The following SUMF1 variants were observed in gnomAD, a reference collection of about 807,000 sequenced individuals.
SUMF1 encodes formylglycine-generating enzyme.
A neutral mutation model predicts 47.6 loss-of-function variants in SUMF1; 48 were observed. That is an observed-to-expected ratio of 1.01 (90% CI 0.80 to 1.28). SUMF1 has a LOEUF of 1.28. Ranked by LOEUF, SUMF1 falls within the 50% of genes most tolerant of loss-of-function variation. SUMF1 has a pLI of 0.00. For synonymous variants in SUMF1, 230 were observed against 192.1 expected (o/e 1.20, Z -1.63); for missense variants, 571 against 485.4 (o/e 1.18, Z -1.66).
At chr3:4,428,229 C>G (rs191834206) in intron 3 of SUMF1, among the ~76,000 whole-genome samples, 160 of 152,076 alleles carry the variant, frequency 1.1e-3, no homozygotes, top group Non-Finnish European at 1.9e-3. Context: ...AAAAATACAT[C>G]AATATATAGA....
rs1006154778 is a variant in SUMF1 at position 4,135,498 on chromosome 3, C to G, written c.1015-66753G>C. 1.3e-5 allele frequency among the ~76,000 whole-genome samples: 2 copies of G among 152,024 alleles called. 1 individual carries two copies. The highest frequency in any genetic ancestry group is 4.8e-5 in the African/African-American group (2 of 41,398). The stretch of plus-strand genomic sequence containing the variant: ...TCAAAATAATAACAGCTATCTATGA[C>G]AAACCCATAGCCAATATCATACTGA... On this transcript the variant is annotated intron_variant and NMD_transcript_variant, in intron 8 of 12. Transcript: ENST00000448413.
chr3:4,269,244 C>T (rs1330319220), intron 8 of SUMF1, among the ~76,000 whole-genome samples: 1 of 152,118 alleles, frequency 6.6e-6, no homozygotes, highest in African/African-American at 2.4e-5. Flanking sequence ...CATATGTATA[C>T]ATGTGCCATG....
At chr3:4,456,610 C>T (rs1480817591) in intron 1 of SUMF1, among the ~76,000 whole-genome samples, 1 of 132,924 alleles carries the variant, frequency 7.5e-6, no homozygotes, top group African/African-American at 2.7e-5. Flanking sequence ...CGCCACCACA[C>T]CAGGCTAATA....
intron 8 of SUMF1, among the ~76,000 whole-genome samples, chr3:4,196,802 C>G (rs771587331): frequency 6.6e-6 from 1 of 152,098 alleles, no homozygotes; most frequent in Non-Finnish European, 1.5e-5. Flanking sequence ...GGGAAAAGTA[C>G]TAGAGATTAA....
chr3:4,257,445 C>A (rs1696981133), intron 8 of SUMF1, among the ~76,000 whole-genome samples: 1 of 149,390 alleles, frequency 6.7e-6, no homozygotes, highest in East Asian at 2.0e-4. Context: ...ACAAAAATCA[C>A]AAGCATTCTT....
At chr3:4,251,959 T>C (rs554516597) in intron 8 of SUMF1, among the ~76,000 whole-genome samples, 41 of 152,342 alleles carry the variant, frequency 2.7e-4, no homozygotes, top group East Asian at 3.9e-4. Flanking sequence ...AAATTCTATA[T>C]GCACGGGAAA....
chr3:4,142,130 T>C (rs925128891), intron 8 of SUMF1, among the ~76,000 whole-genome samples: 2 of 152,190 alleles, frequency 1.3e-5, no homozygotes, highest in African/African-American at 4.8e-5. Flanking sequence ...TGGTTGTTTC[T>C]CTTAATCCTG....
At chr3:4,256,848 G>A (rs1356020871) in intron 8 of SUMF1, among the ~76,000 whole-genome samples, 1 of 140,544 alleles carries the variant, frequency 7.1e-6, no homozygotes. Context: ...GAACATTGAT[G>A]CAAAAATCCT....
Position 4,313,836 on chromosome 3 carries a change from C to T in SUMF1, c.1014+62494G>A, listed in dbSNP as rs745753193. On this transcript the variant is annotated intron_variant and NMD_transcript_variant, in intron 8 of 12. Coordinates refer to the SUMF1 transcript ENST00000448413. ...AGTGGTTGGCTAGCTTTACCTCTGC[C>T]TAGTTACATAAGTTTAACTCAGGAA... 4 of 1,591,324 alleles carry T rather than the reference C, an allele frequency of 2.5e-6. No individual in the cohort carries two copies. The African/African-American group carries it at 5.4e-5, about 21-fold the overall frequency.
At chr3:4,457,051 C>CATGTGTGTATATATATATATATACGT (rs2079672389) in intron 1 of SUMF1, among the ~76,000 whole-genome samples, 2 of 65,396 alleles carry the variant, frequency 3.1e-5, no homozygotes, top group South Asian at 8.3e-4. Flanking sequence ...TATATATATA[C>CATGTGTGTATATATATATATATACGT]GTGTGTGTAT....
intron 8 of SUMF1, among the ~76,000 whole-genome samples, chr3:4,111,342 A>C (rs1693302038): frequency 1.3e-5 from 2 of 152,144 alleles, no homozygotes; most frequent in Admixed American, 1.3e-4. Context: ...TTCAAGGGTA[A>C]ACTGTAGTAT....
At chr3:4,441,866 G>C (rs711641) in intron 3 of SUMF1, among the ~76,000 whole-genome samples, 34,846 of 152,010 alleles carry the variant, frequency 0.23, 4,981 homozygotes, top group Non-Finnish European at 0.31. Flanking sequence ...TTTGAATCTC[G>C]CCTCTCTACG....
intron 4 of SUMF1, among the ~76,000 whole-genome samples, chr3:4,419,619 G>A (rs1444511617): frequency 2.6e-5 from 4 of 152,160 alleles, no homozygotes; most frequent in Non-Finnish European, 4.4e-5. Context: ...TTCCAATCTG[G>A]AACTCAAGAT....
intron 8 of SUMF1, among the ~76,000 whole-genome samples, chr3:4,149,590 C>T (rs149272029): frequency 1.6e-4 from 24 of 152,226 alleles, no homozygotes; most frequent in Admixed American, 5.9e-4. Flanking sequence ...CCTCAGACTG[C>T]GCCAATATAT....
chr3:4,240,743 T>A (rs931797042), intron 8 of SUMF1, among the ~76,000 whole-genome samples: 10 of 152,086 alleles, frequency 6.6e-5, no homozygotes, highest in African/African-American at 2.2e-4. Flanking sequence ...AAATATTTTT[T>A]ACTTTCCTGG....
intron 8 of SUMF1, among the ~76,000 whole-genome samples, chr3:4,253,941 GTGGGTCCC>G (rs989356223): frequency 2.0e-5 from 3 of 150,500 alleles, no homozygotes; most frequent in Admixed American, 6.6e-5. Context: ...GCCTCCTCAA[GTGGGTCCC>G]TGACCCCTGA....
chr3:4,177,741 T>G (rs921347982), intron 8 of SUMF1, among the ~76,000 whole-genome samples: 1 of 151,968 alleles, frequency 6.6e-6, no homozygotes, highest in Non-Finnish European at 1.5e-5. Flanking sequence ...AAAAAATCAG[T>G]GAATCCAGGA....
chr3:4,382,226 G>C (rs982379600), intron 7 of SUMF1, among the ~76,000 whole-genome samples: 1 of 151,826 alleles, frequency 6.6e-6, no homozygotes, highest in African/African-American at 2.4e-5. Flanking sequence ...TAATCTTATC[G>C]GTGTCACGAT....
intron 8 of SUMF1, among the ~76,000 whole-genome samples, chr3:4,165,324 A>G (rs890437381): frequency 6.6e-6 from 1 of 152,086 alleles, no homozygotes; most frequent in African/African-American, 2.4e-5. Context: ...GGGGACATAT[A>G]CCCGGGTTGG....
Sources: gnomAD v4.1 joint callset for allele counts (sites outside exome capture counted in the v4.1 genomes callset) on GRCh38, gnomAD v4.1.1 for gene constraint, MANE v1.5 for transcripts, NCBI Gene and HGNC (gene_info 2026-07-23, HGNC 2026-07-21) for gene names.